TMEM117: variants seen among roughly 807,000 people sequenced by gnomAD.
TMEM117 encodes transmembrane protein 117.
A neutral mutation model predicts 52.4 loss-of-function variants in TMEM117; 27 were observed. That is an observed-to-expected ratio of 0.51 (90% CI 0.38 to 0.71). The LOEUF is 0.71. Among genes scored for constraint, TMEM117 ranks in the 30% least tolerant of loss-of-function variants. The probability of loss-of-function intolerance (pLI) is 0.00; values close to 1 mark genes in which losing one functional copy is unlikely to be tolerated. For synonymous variants in TMEM117, 215 were observed against 206.3 expected (o/e 1.04, Z -0.36); for missense variants, 556 against 630.5 (o/e 0.88, Z 1.26).
intron 2 of TMEM117, among the ~76,000 whole-genome samples, chr12:43,927,635 G>T (rs556729473): frequency 2.6e-5 from 4 of 151,610 alleles, no homozygotes; most frequent in Non-Finnish European, 4.4e-5. Context: ...TTTACCTGGA[G>T]AATTTATTAT....
At chr12:44,161,678 T>C (rs1948900488) in intron 4 of TMEM117, among the ~76,000 whole-genome samples, 1 of 152,226 alleles carries the variant, frequency 6.6e-6, no homozygotes, top group Non-Finnish European at 1.5e-5. Context: ...AGAATATGCC[T>C]GGCATTTAGG....
intron 2 of TMEM117, among the ~76,000 whole-genome samples, chr12:43,910,296 C>A (rs568886078): frequency 2.0e-5 from 3 of 150,308 alleles, no homozygotes; most frequent in East Asian, 3.9e-4. Context: ...ATTCAACAAC[C>A]CTTCATGCTA....
chr12:44,398,726 C>T, the TMEM117 span, among the ~76,000 whole-genome samples: 1 of 152,218 alleles, frequency 6.6e-6, no homozygotes, highest in Non-Finnish European at 1.5e-5. Flanking sequence ...GCCGAATCCA[C>T]AGACCTAAGG....
At chr12:44,049,462 T>C (rs1307603403) in intron 3 of TMEM117, among the ~76,000 whole-genome samples, 1 of 151,594 alleles carries the variant, frequency 6.6e-6, no homozygotes, top group Non-Finnish European at 1.5e-5. Context: ...GGTCAATAGG[T>C]ACTGCAGACC....
intron 5 of TMEM117, among the ~76,000 whole-genome samples, chr12:44,262,424 A>G (rs1376125393): frequency 1.3e-5 from 2 of 152,212 alleles, no homozygotes; most frequent in Non-Finnish European, 2.9e-5. Flanking sequence ...AACCAGTAAA[A>G]CAGAGAAGTC....
intron 5 of TMEM117, among the ~76,000 whole-genome samples, chr12:44,240,840 G>A (rs991662866): frequency 1.3e-5 from 2 of 152,062 alleles, no homozygotes; most frequent in Admixed American, 6.6e-5. Flanking sequence ...TTATTTCACA[G>A]TTGAATGAAG....
At chr12:44,014,935 G>C (rs1319993002) in intron 3 of TMEM117, among the ~76,000 whole-genome samples, 1 of 152,014 alleles carries the variant, frequency 6.6e-6, no homozygotes, top group East Asian at 1.9e-4. Flanking sequence ...CATCTAGCCT[G>C]AGAACAGCAC....
intron 3 of TMEM117, among the ~76,000 whole-genome samples, chr12:43,966,834 G>C (rs1565773284): frequency 6.6e-6 from 1 of 152,164 alleles, no homozygotes; most frequent in Non-Finnish European, 1.5e-5. Context: ...TCACTAATTT[G>C]ATTGCATTTT....
chr12:44,010,912 G>A (rs1480264338), intron 3 of TMEM117, among the ~76,000 whole-genome samples: 2 of 152,092 alleles, frequency 1.3e-5, no homozygotes, highest in South Asian at 2.1e-4. Flanking sequence ...TGAACAAATT[G>A]TCAGAGCAAT....
chr12:43,948,985 TAATTGAAA>T (rs1269948934), intron 3 of TMEM117, among the ~76,000 whole-genome samples: 2 of 152,210 alleles, frequency 1.3e-5, no homozygotes, highest in Admixed American at 6.5e-5. Flanking sequence ...TGGCTCATAT[TAATTGAAA>T]AATTGAAAAT....
intron 5 of TMEM117, among the ~76,000 whole-genome samples, chr12:44,272,113 A>C (rs1950453992): frequency 6.6e-6 from 1 of 152,084 alleles, no homozygotes. Flanking sequence ...AAAAAGTGGA[A>C]CCTTATTCAC....
chr12:44,149,933 T>A lies in TMEM117; in HGVS notation c.510+6309T>A, dbSNP rs1191770490. On this transcript the variant is annotated intron_variant, in intron 4 of 7. Transcript: ENST00000266534. ...TGAAACTTGGAATAGAAGGCCAGGA[T>A]GAGCAAACTCATTGGACACATGTAT... Among the ~76,000 whole-genome samples the A allele has an allele frequency of 3.9e-5, 6 of 152,224 alleles. No homozygotes were observed. In the East Asian group the frequency reaches 1.2e-3, roughly 29 times the overall value.
At chr12:43,918,596 T>C (rs904618700) in intron 2 of TMEM117, among the ~76,000 whole-genome samples, 12 of 152,220 alleles carry the variant, frequency 7.9e-5, no homozygotes, top group Non-Finnish European at 1.8e-4. Flanking sequence ...TGCTTGTCTG[T>C]AGGCCTTTTC....
At chr12:44,230,572 A>G (rs183156530) in intron 5 of TMEM117, among the ~76,000 whole-genome samples, 12 of 152,076 alleles carry the variant, frequency 7.9e-5, no homozygotes, top group African/African-American at 2.6e-4. Flanking sequence ...TCCTGCCTAC[A>G]TCCTTTCTTC....
intron 5 of TMEM117, among the ~76,000 whole-genome samples, chr12:44,249,700 C>T (rs1257521581): frequency 6.6e-6 from 1 of 152,092 alleles, no homozygotes; most frequent in Non-Finnish European, 1.5e-5. Flanking sequence ...CATCTACAAC[C>T]ATCTGATCTT....
chr12:44,283,246 G>A (rs1237426179), intron 5 of TMEM117, among the ~76,000 whole-genome samples: 1 of 152,186 alleles, frequency 6.6e-6, no homozygotes, highest in Non-Finnish European at 1.5e-5. Context: ...GCCTTGTAGA[G>A]CTGTGAGAAG....
chr12:44,192,167 G>A (rs934944532), intron 4 of TMEM117, among the ~76,000 whole-genome samples: 4 of 152,100 alleles, frequency 2.6e-5, no homozygotes, highest in Non-Finnish European at 4.4e-5. Flanking sequence ...GGGATAAAGG[G>A]TGCAGGGTGG....
intron 3 of TMEM117, among the ~76,000 whole-genome samples, chr12:43,947,876 A>G (rs941982711): frequency 6.6e-6 from 1 of 152,146 alleles, no homozygotes; most frequent in Non-Finnish European, 1.5e-5. Context: ...AGGGTTTCCA[A>G]GGGGAAGAAG....
chr12:43,878,979 A>G (rs553906558), intron 2 of TMEM117, among the ~76,000 whole-genome samples: 26 of 152,224 alleles, frequency 1.7e-4, no homozygotes, highest in Non-Finnish European at 2.9e-4. Flanking sequence ...TTAGCCAGTA[A>G]TACTTGCGTT....
Sources: gnomAD v4.1 joint callset for allele counts (sites outside exome capture counted in the v4.1 genomes callset) on GRCh38, gnomAD v4.1.1 for gene constraint, MANE v1.5 for transcripts, NCBI Gene and HGNC (gene_info 2026-07-23, HGNC 2026-07-21) for gene names.